Variants in EHD4 observed in about 807,000 individuals in gnomAD.
The protein encoded by EHD4 is EH domain containing 4.
EHD4 carries 37 observed loss-of-function variants against 51.0 expected under a neutral mutation model. The ratio of observed to expected loss-of-function variants is 0.73; its 90% CI spans 0.56 to 0.95. The LOEUF is 0.95. EHD4 is among the 40% of genes least tolerant of loss of function. EHD4 has a pLI of 0.00. For synonymous variants in EHD4, 297 were observed against 317.3 expected (o/e 0.94, Z 0.68); for missense variants, 632 against 733.1 (o/e 0.86, Z 1.59).
chr15:41,917,540 A>G (rs1166627483), intron 4 of EHD4, among the ~76,000 whole-genome samples: 1 of 152,260 alleles, frequency 6.6e-6, no homozygotes, highest in African/African-American at 2.4e-5. Context: ...AAATCTCAAA[A>G]TCTGCAAAGG....
chr15:41,972,455 G>T lies in EHD4; in HGVS notation c.40C>A (p.Arg14Ser), dbSNP rs577508454. 3.2e-6 allele frequency: 5 copies of T among 1,558,574 alleles called. No homozygotes were observed. The Admixed American group carries it at 9.5e-5, about 30-fold the overall frequency. Residue 14 changes from arginine to serine, a missense_variant, in exon 1 of 6, where the codon CGC (arginine) becomes AGC (serine). Transcript: ENST00000220325. ...WMGRQAGGRERAGGADAVQTV... is the reference protein window; with the variant it reads ...WMGRQAGGRESAGGADAVQTV... The stretch of plus-strand genomic sequence containing the variant: ...TGCACCGCGTCCGCGCCGCCAGCGC[G>T]TTCGCGCCCGCCCGCCTGCCGCCCC...
chr15:41,903,876 C>T (rs754573204), intron 5 of EHD4, among the ~76,000 whole-genome samples: 3 of 152,194 alleles, frequency 2.0e-5, no homozygotes, highest in Non-Finnish European at 4.4e-5. Context: ...CCCTGCTCAG[C>T]TCAGAGCAGC....
At chr15:41,909,957 AACAGGT>A in intron 4 of EHD4, 94 bp from the exon 5 acceptor site, 1 of 1,492,040 alleles carries the variant, frequency 6.7e-7, no homozygotes. Flanking sequence ...CATAACACAT[AACAGGT>A]ACCCACACAA....
chr15:41,900,354 T>G lies in EHD4; in HGVS notation c.*291A>C, dbSNP rs2067467254. The G allele has an allele frequency of 1.6e-4, 65 of 395,914 alleles. No individual in the cohort carries two copies. Among genetic ancestry groups the G allele is most frequent in the East Asian group, 5.0e-4 (11 of 21,928 alleles). 24.5% of individuals were successfully genotyped at this position (395,914 alleles called of 1,614,324 possible). A position where few individuals can be genotyped will look rare whatever the true frequency, so the allele number is the denominator to read the frequency against. On this transcript the variant is annotated 3_prime_UTR_variant, in exon 6 of 6. Transcript: ENST00000220325. The surrounding 1 kb of genome is among the most constrained non-coding windows in gnomAD (Gnocchi z 4.8). ...CTGGGACTTACCAGGCCCACCCCCA[T>G]GCGCATTTCTCCAGGCAGGTTCTGA...
intron 2 of EHD4, among the ~76,000 whole-genome samples, chr15:41,943,543 T>G (rs1351275785): frequency 1.3e-5 from 2 of 152,250 alleles, no homozygotes; most frequent in Admixed American, 1.3e-4. Context: ...GAAGGAATTA[T>G]GCTTAACATA....
At chr15:41,966,358 C>T (rs991504784) in intron 1 of EHD4, among the ~76,000 whole-genome samples, 1 of 152,188 alleles carries the variant, frequency 6.6e-6, no homozygotes, top group African/African-American at 2.4e-5. Context: ...ACCTCTCTCC[C>T]TGGCTTTTGT....
At chr15:41,938,633 T>G (rs959048651) in intron 3 of EHD4, among the ~76,000 whole-genome samples, 3 of 152,240 alleles carry the variant, frequency 2.0e-5, no homozygotes, top group African/African-American at 7.2e-5. Flanking sequence ...TAAGTCGATC[T>G]GTTAGAAAAT....
chr15:41,928,480 A>G (rs1480313067), intron 3 of EHD4: 2 of 152,154 alleles, frequency 1.3e-5, no homozygotes, highest in Non-Finnish European at 2.9e-5. Context: ...GCTGCACCAT[A>G]TGTGTACCAG....
intron 4 of EHD4, among the ~76,000 whole-genome samples, chr15:41,918,044 C>T (rs546282550): frequency 1.7e-4 from 26 of 152,222 alleles, no homozygotes; most frequent in African/African-American, 5.8e-4. Flanking sequence ...CACACTGGCA[C>T]GAGGACAGGC....
At chr15:41,920,047 G>A (rs1020836396) in intron 3 of EHD4, among the ~76,000 whole-genome samples, 7 of 152,174 alleles carry the variant, frequency 4.6e-5, no homozygotes, top group African/African-American at 1.7e-4. Flanking sequence ...AGAAGAAAGA[G>A]AACCAGAGGC....
In EHD4 at chr15:41,896,528, G is replaced by A. The variant is rs2067439829; in HGVS notation, c.*4117C>T. 1 of 152,148 alleles carries A rather than the reference G, an allele frequency of 6.6e-6. No homozygotes were observed. The highest frequency in any genetic ancestry group is 2.4e-5 in the African/African-American group (1 of 41,412). The allele number at this position is 152,148 out of a possible 1,614,324, so 9.4% of individuals were successfully genotyped here. On this transcript the variant is annotated 3_prime_UTR_variant, in exon 6 of 6. Coordinates refer to ENST00000220325, the MANE Select transcript of EHD4 (RefSeq NM_139265.4). ...CAATCTCATCCAAACCTCACTTGAAGTGAGGGTGGGAGGAGGAGTGCTCTG... is the reference window on the plus strand; with the variant it reads ...CAATCTCATCCAAACCTCACTTGAAATGAGGGTGGGAGGAGGAGTGCTCTG...
At chr15:41,969,744 T>C (rs1175046753) in intron 1 of EHD4, among the ~76,000 whole-genome samples, 3 of 152,256 alleles carry the variant, frequency 2.0e-5, no homozygotes, top group East Asian at 1.9e-4. Context: ...TAAGATGACA[T>C]GGTCACTTTC....
chr15:41,936,634 C>G (rs1648857), intron 3 of EHD4, among the ~76,000 whole-genome samples: 82,835 of 152,018 alleles, frequency 0.54, 23,595 homozygotes, highest in African/African-American at 0.72. Context: ...TGTTTTTCAT[C>G]TAAAAGTCAA....
At chr15:41,917,634 G>T (rs1041520398) in intron 4 of EHD4, among the ~76,000 whole-genome samples, 5 of 152,226 alleles carry the variant, frequency 3.3e-5, no homozygotes, top group African/African-American at 1.2e-4. Context: ...ACCTGCTGGA[G>T]AAAGGAAACA....
intron 3 of EHD4, among the ~76,000 whole-genome samples, chr15:41,932,129 C>T (rs570031572): frequency 1.3e-5 from 2 of 152,298 alleles, no homozygotes; most frequent in East Asian, 3.9e-4. Context: ...TTAGGAACAG[C>T]CTGAATGTCA....
chr15:41,942,723 C>T, intron 3 of EHD4: 1 of 224,606 alleles, frequency 4.5e-6, no homozygotes, highest in Non-Finnish European at 9.0e-6. Flanking sequence ...ATTCCTACTC[C>T]TTCAGATCCT....
At chr15:41,910,401 A>G (rs1038390588) in intron 4 of EHD4, among the ~76,000 whole-genome samples, 4 of 152,186 alleles carry the variant, frequency 2.6e-5, no homozygotes, top group Admixed American at 2.0e-4. Context: ...TGGATGGCAG[A>G]AGATCCCCCT....
chr15:41,932,496 A>G (rs1254057360), intron 3 of EHD4, among the ~76,000 whole-genome samples: 2 of 152,196 alleles, frequency 1.3e-5, no homozygotes, highest in Non-Finnish European at 2.9e-5. Context: ...TGTGCTTTGC[A>G]TCTCGATTTG....
intron 5 of EHD4, among the ~76,000 whole-genome samples, chr15:41,905,752 C>T (rs999062940): frequency 6.6e-6 from 1 of 152,220 alleles, no homozygotes; most frequent in African/African-American, 2.4e-5. Flanking sequence ...CTCATAGCAG[C>T]CTCGACCTCC....
Sources: allele counts gnomAD v4.1 joint callset (sites outside exome capture counted in the v4.1 genomes callset), GRCh38; gene constraint gnomAD v4.1.1; non-coding constraint Gnocchi (gnomAD v3.1); transcripts MANE v1.5; gene names NCBI Gene and HGNC (gene_info 2026-07-23, HGNC 2026-07-21).